Variants in TEKT3 observed in about 807,000 individuals in gnomAD.
The protein encoded by TEKT3 is tektin 3, also known as tektin-3.
TEKT3 carries 49 observed loss-of-function variants against 49.8 expected under a neutral mutation model. That is an observed-to-expected ratio of 0.98 (90% confidence interval 0.78 to 1.25). The LOEUF is 1.25. TEKT3 is among the 50% of genes most tolerant of loss of function. The pLI, the probability that TEKT3 is intolerant of heterozygous loss-of-function variation, is 0.00. For missense variants in TEKT3, 595 were observed against 629.5 expected (o/e 0.95, Z 0.59); for synonymous variants, 225 against 237.2 (o/e 0.95, Z 0.47).
intron 2 of TEKT3, among the ~76,000 whole-genome samples, chr17:15,334,438 C>T (rs755358428): frequency 3.9e-5 from 6 of 152,178 alleles, no homozygotes; most frequent in African/African-American, 9.7e-5. Context: ...TAGAATGCCA[C>T]GTGAGTTTTC....
In TEKT3 at chr17:15,304,548, A is replaced by G. The variant is rs1234733574; in HGVS notation, c.1257-396T>C. 6.6e-6 allele frequency among the ~76,000 whole-genome samples: 1 copy of G among 152,172 alleles called. No homozygotes were observed. Among genetic ancestry groups the G allele is most frequent in the Non-Finnish European group, 1.5e-5 (1 of 68,018 alleles). On this transcript the variant is annotated intron_variant, in intron 8 of 8. Transcript: ENST00000395930. This position sits in a 1 kb window ranked among gnomAD's most constrained non-coding sequence, Gnocchi z 4.7. ...CAGGGGTTCATAAGCTGTCCTTTCCATCGACACAGGGCCCACATGTGTTTG... is the reference window on the plus strand; with the variant it reads ...CAGGGGTTCATAAGCTGTCCTTTCCGTCGACACAGGGCCCACATGTGTTTG...
intron 7 of TEKT3, among the ~76,000 whole-genome samples, chr17:15,311,729 A>G (rs998889645): frequency 6.6e-6 from 1 of 152,188 alleles, no homozygotes; most frequent in South Asian, 2.1e-4. Flanking sequence ...AAGGAAAGGA[A>G]GAGCTCCTTG....
intron 6 of TEKT3, 33 bp downstream of exon 6, chr17:15,314,054 C>A (rs777114780): frequency 6.2e-7 from 1 of 1,613,692 alleles, no homozygotes. Flanking sequence ...TAAATGACAT[C>A]GAAATCACAG....
At position 15,304,527 on chromosome 17, in the gene TEKT3, G is replaced by T. The variant is rs1910460378; in HGVS notation, c.1257-375C>A. On this transcript the variant is annotated intron_variant, in intron 8 of 8. Coordinates refer to ENST00000395930, the MANE Select transcript of TEKT3 (RefSeq NM_031898.3). This position sits in a 1 kb window ranked among gnomAD's most constrained non-coding sequence, Gnocchi z 4.7. ...TACAGACTAGGAAATAGAGCCCAGG[G>T]GTTCATAAGCTGTCCTTTCCATCGA... Among the ~76,000 whole-genome samples, 1 of 152,096 alleles carries T rather than the reference G, an allele frequency of 6.6e-6. No individual in the cohort carries two copies. Among genetic ancestry groups the T allele is most frequent in the Non-Finnish European group, 1.5e-5 (1 of 68,030 alleles).
chr17:15,338,857 A>G (rs1912112773), intron 2 of TEKT3, among the ~76,000 whole-genome samples: 2 of 152,052 alleles, frequency 1.3e-5, no homozygotes, highest in African/African-American at 4.8e-5. Context: ...TACTAAGATC[A>G]TTAACCGATG....
intron 5 of TEKT3, among the ~76,000 whole-genome samples, chr17:15,315,896 CA>C (rs2150739037): frequency 6.6e-6 from 1 of 152,304 alleles, no homozygotes; most frequent in Non-Finnish European, 1.5e-5. Context: ...TTTGGTAGAG[CA>C]AAGCCGTTCA....
At chr17:15,343,642 G>T (rs563945051), upstream of TEKT3, among the ~76,000 whole-genome samples, 79 of 152,352 alleles carry the variant, frequency 5.2e-4, no homozygotes, top group Middle Eastern at 3.4e-3. Context: ...AGCATGAAGT[G>T]TGATGTTTAG....
rs1910819840 is a variant in TEKT3, at chr17:15,312,555, A to G, written c.879-74T>C. ...CTACAGGATCGCTAGGCAATCATTT[A>G]TCCTGAGAGAGAGAAACCCCCAGGT... On this transcript the variant is annotated intron_variant, in intron 6 of 8. Transcript: ENST00000395930. 5 of 1,357,174 alleles carry G rather than the reference A, an allele frequency of 3.7e-6. No homozygotes were observed. In the East Asian group the frequency reaches 9.4e-5, roughly 25 times the overall value. 84.1% of individuals were successfully genotyped at this position (1,357,174 alleles called of 1,614,324 possible). A position where few individuals can be genotyped will look rare whatever the true frequency, so the allele number is the denominator to read the frequency against.
At chr17:15,314,290 A>G in intron 5 of TEKT3, 60 bp from the exon 6 acceptor site, 1 of 1,603,340 alleles carries the variant, frequency 6.2e-7, no homozygotes, top group Non-Finnish European at 8.5e-7. Flanking sequence ...CTGCAAGGAC[A>G]CATGAGTGCC....
intron 6 of TEKT3, 78 bp from the exon 7 acceptor site, chr17:15,312,559 TGAGA>T: frequency 7.6e-7 from 1 of 1,317,368 alleles, no homozygotes; most frequent in Non-Finnish European, 1.1e-6. Context: ...TCATTTATCC[TGAGA>T]GAGAGAAACC....
intron 2 of TEKT3, chr17:15,338,636 C>G (rs993120988): frequency 6.5e-6 from 1 of 152,824 alleles, no homozygotes; most frequent in Non-Finnish European, 1.4e-5. Context: ...TCCAGCGTAG[C>G]TGGGACTACA....
intron 2 of TEKT3, among the ~76,000 whole-genome samples, chr17:15,334,677 A>C (rs899636564): frequency 6.6e-6 from 1 of 152,236 alleles, no homozygotes; most frequent in Non-Finnish European, 1.5e-5. Context: ...AGTGGTTTAC[A>C]GATCACAGAA....
chr17:15,335,589 A>G (rs1911945355), intron 2 of TEKT3, among the ~76,000 whole-genome samples: 2 of 152,218 alleles, frequency 1.3e-5, no homozygotes, highest in South Asian at 4.1e-4. Flanking sequence ...CAAGTAACTT[A>G]ACTACCTGAC....
rs1910481283 is a variant in TEKT3 at position 15,304,929 on chromosome 17, C to T, written c.1257-777G>A. ...CATCTGCTGCCCAGTGTTGTGACTT[C>T]CAAAAGGACCAAGCCTTTTACGGCA... On this transcript the variant is annotated intron_variant, in intron 8 of 8. Transcript: ENST00000395930. This position sits in a 1 kb window ranked among gnomAD's most constrained non-coding sequence, Gnocchi z 4.7. 6.6e-6 allele frequency among the ~76,000 whole-genome samples: 1 copy of T among 152,196 alleles called. No individual in the cohort carries two copies. The highest frequency in any genetic ancestry group is 2.1e-4 in the South Asian group (1 of 4,830).
rs539071468 is a variant in TEKT3, at chr17:15,329,664, G to A, written c.579+1343C>T. ...TTCTCAGGATTCCTGGGGATTGTGT[G>A]CCTCTGTATGTGTTTTTGTACAGCG... On this transcript the variant is annotated intron_variant, in intron 3 of 8. Coordinates refer to ENST00000395930, the MANE Select transcript of TEKT3 (RefSeq NM_031898.3). Among the ~76,000 whole-genome samples the A allele has an allele frequency of 4.6e-5, 7 of 152,292 alleles. No individual in the cohort carries two copies. The South Asian group carries it at 1.5e-3, about 32-fold the overall frequency.
upstream of TEKT3, among the ~76,000 whole-genome samples, chr17:15,341,848 GTA>G (rs2017241011): frequency 1.3e-5 from 2 of 152,332 alleles, no homozygotes; most frequent in African/African-American, 4.8e-5. Context: ...GGGGTGAAGA[GTA>G]GCCCAAGGGA....
intron 6 of TEKT3, among the ~76,000 whole-genome samples, chr17:15,313,574 A>G (rs1910860743): frequency 6.6e-6 from 1 of 151,934 alleles, no homozygotes; most frequent in Non-Finnish European, 1.5e-5. Context: ...CAGTGGCACA[A>G]TCTCGGCTCA....
Position 15,308,644 on chromosome 17 carries a change from G to A in TEKT3, c.1256+20C>T, listed in dbSNP as rs754537516. On this transcript the variant is annotated intron_variant, in intron 8 of 8. Coordinates refer to ENST00000395930, the MANE Select transcript of TEKT3 (RefSeq NM_031898.3). ...TGGTGGCCCTCCGAGCGAGCCCCGA[G>A]CCTTCCCCTCCCACCTTACCGTAGC... The A allele has an allele frequency of 5.0e-6, 8 of 1,595,764 alleles. No individual in the cohort carries two copies. In the South Asian group the frequency reaches 5.5e-5, roughly 11 times the overall value.
chr17:15,335,472 AGAG>A (rs933879772), intron 2 of TEKT3, among the ~76,000 whole-genome samples: 205 of 152,332 alleles, frequency 1.3e-3, no homozygotes, highest in African/African-American at 4.7e-3. Context: ...GAGACACTAG[AGAG>A]GCCACACGTT....
Sources: allele counts gnomAD v4.1 joint callset (sites outside exome capture counted in the v4.1 genomes callset), GRCh38; gene constraint gnomAD v4.1.1; non-coding constraint Gnocchi (gnomAD v3.1); transcripts MANE v1.5; gene names NCBI Gene and HGNC (gene_info 2026-07-23, HGNC 2026-07-21).